ADAMTSL1: variants seen among roughly 807,000 people sequenced by gnomAD.
ADAMTSL1 encodes the protein ADAMTS like 1.
A neutral mutation model predicts 201.8 loss-of-function variants in ADAMTSL1; 126 were observed. That is an observed-to-expected ratio of 0.62 (90% confidence interval 0.54 to 0.72). ADAMTSL1 has a LOEUF of 0.72. Among genes scored for constraint, ADAMTSL1 ranks in the 30% least tolerant of loss-of-function variants. The probability of loss-of-function intolerance (pLI) is 0.00; values close to 1 mark genes in which losing one functional copy is unlikely to be tolerated. For missense variants in ADAMTSL1, 2,679 were observed against 2,277.8 expected (o/e 1.18, Z -3.59); for synonymous variants, 1,121 against 903.4 (o/e 1.24, Z -4.32).
intron 4 of ADAMTSL1, among the ~76,000 whole-genome samples, chr9:18,606,716 G>A (rs535015343): frequency 6.6e-6 from 1 of 152,210 alleles, no homozygotes; most frequent in South Asian, 2.1e-4. Context: ...TAAAACACCT[G>A]ACAGGACTTG....
chr9:18,267,872 T>C (rs1832195992), intron 2 of ADAMTSL1, among the ~76,000 whole-genome samples: 1 of 152,030 alleles, frequency 6.6e-6, no homozygotes, highest in African/African-American at 2.4e-5. Flanking sequence ...CATTCTTCTT[T>C]GAATGAAAGA....
chr9:18,275,047 G>A (rs1186458238), intron 2 of ADAMTSL1, among the ~76,000 whole-genome samples: 3 of 152,134 alleles, frequency 2.0e-5, no homozygotes, highest in African/African-American at 4.8e-5. Context: ...AAGTAAGAGA[G>A]CCAACCCAAT....
At chr9:18,376,796 A>G (rs1239909693) in intron 2 of ADAMTSL1, among the ~76,000 whole-genome samples, 12 of 152,188 alleles carry the variant, frequency 7.9e-5, no homozygotes, top group Admixed American at 7.9e-4. Context: ...ACAGAAAGAG[A>G]CACTGTCTCA....
chr9:18,019,590 C>T (rs1054126969), intron 1 of ADAMTSL1, among the ~76,000 whole-genome samples: 2 of 152,024 alleles, frequency 1.3e-5, no homozygotes, highest in African/African-American at 4.8e-5. Context: ...GCCATCTCAG[C>T]AGGAGCCCAA....
At chr9:18,577,290 T>G (rs1038488458) in intron 4 of ADAMTSL1, among the ~76,000 whole-genome samples, 3 of 152,056 alleles carry the variant, frequency 2.0e-5, no homozygotes, top group African/African-American at 7.2e-5. Flanking sequence ...GTTTGAGACC[T>G]GCCTGGCCAA....
chr9:18,754,820 T>A (rs1819656234), intron 16 of ADAMTSL1, among the ~76,000 whole-genome samples: 1 of 152,234 alleles, frequency 6.6e-6, no homozygotes. Context: ...TGTATATGGC[T>A]AAGTTCATTA....
intron 2 of ADAMTSL1, among the ~76,000 whole-genome samples, chr9:18,389,377 A>G (rs1345715401): frequency 6.6e-6 from 1 of 152,144 alleles, no homozygotes; most frequent in Non-Finnish European, 1.5e-5. Flanking sequence ...CAATCAAAAA[A>G]TTTGCACTGA....
intron 2 of ADAMTSL1, among the ~76,000 whole-genome samples, chr9:18,525,925 T>A (rs1231661780): frequency 6.6e-6 from 1 of 152,184 alleles, no homozygotes; most frequent in Non-Finnish European, 1.5e-5. Context: ...ATTCTGTTGA[T>A]TTGGGGTGGA....
At chr9:18,615,306 C>T (rs1825627676) in intron 4 of ADAMTSL1, among the ~76,000 whole-genome samples, 1 of 152,154 alleles carries the variant, frequency 6.6e-6, no homozygotes, top group Non-Finnish European at 1.5e-5. Flanking sequence ...GGTATGTATG[C>T]CTGCCTGTGT....
At chr9:18,530,809 A>G (rs1306787086) in intron 2 of ADAMTSL1, among the ~76,000 whole-genome samples, 1 of 152,220 alleles carries the variant, frequency 6.6e-6, no homozygotes, top group Non-Finnish European at 1.5e-5. Flanking sequence ...TTTACCAAAG[A>G]TAAAACTGAG....
At chr9:18,392,878 A>G (rs973900075) in intron 2 of ADAMTSL1, among the ~76,000 whole-genome samples, 3 of 152,166 alleles carry the variant, frequency 2.0e-5, no homozygotes, top group African/African-American at 2.4e-5. Context: ...GGTAGAAATC[A>G]GGTCTTTGCT....
intron 26 of ADAMTSL1, among the ~76,000 whole-genome samples, chr9:18,895,406 A>AT (rs1029590343): frequency 2.0e-5 from 3 of 149,768 alleles, no homozygotes; most frequent in Non-Finnish European, 4.4e-5. Context: ...ATTTCCTGGT[A>AT]TTTTCGTTCA....
At chr9:18,114,811 A>G (rs1825180455) in intron 1 of ADAMTSL1, among the ~76,000 whole-genome samples, 1 of 152,190 alleles carries the variant, frequency 6.6e-6, no homozygotes, top group Non-Finnish European at 1.5e-5. Context: ...ACGTCTAAAG[A>G]CAGTGGTGAA....
intron 23 of ADAMTSL1, among the ~76,000 whole-genome samples, chr9:18,886,058 G>A (rs375235377): frequency 3.2e-4 from 48 of 151,304 alleles, no homozygotes; most frequent in Non-Finnish European, 5.3e-4. Flanking sequence ...AGGCTGAGGC[G>A]AGCAGATCAC....
chr9:18,158,266 T>C (rs1827239906), intron 1 of ADAMTSL1, among the ~76,000 whole-genome samples: 1 of 152,006 alleles, frequency 6.6e-6, no homozygotes, highest in Non-Finnish European at 1.5e-5. Context: ...TTGGTACATA[T>C]TCTTATAAAC....
intron 1 of ADAMTSL1, among the ~76,000 whole-genome samples, chr9:18,128,116 G>T (rs935262915): frequency 1.3e-5 from 2 of 152,184 alleles, no homozygotes; most frequent in African/African-American, 4.8e-5. Flanking sequence ...TACTGAGTCA[G>T]AATTTTAGTT....
At chr9:18,115,486 A>C (rs1208159060) in intron 1 of ADAMTSL1, among the ~76,000 whole-genome samples, 1 of 152,196 alleles carries the variant, frequency 6.6e-6, no homozygotes, top group Admixed American at 6.5e-5. Context: ...AGCTATTAAA[A>C]ATTTGAGAAA....
intron 1 of ADAMTSL1, among the ~76,000 whole-genome samples, chr9:18,004,024 A>T (rs1819717216): frequency 6.6e-6 from 1 of 152,078 alleles, no homozygotes; most frequent in Non-Finnish European, 1.5e-5. Flanking sequence ...GGGCACCTAA[A>T]AAGAAAATAT....
intron 26 of ADAMTSL1, among the ~76,000 whole-genome samples, chr9:18,897,310 A>C (rs543876665): frequency 6.6e-6 from 1 of 152,320 alleles, no homozygotes; most frequent in East Asian, 1.9e-4. Context: ...GAGTCCAGGC[A>C]GTCTGGACAA....
Sources: allele counts gnomAD v4.1 joint callset (sites outside exome capture counted in the v4.1 genomes callset), GRCh38; gene constraint gnomAD v4.1.1; transcripts MANE v1.5; gene names NCBI Gene and HGNC (gene_info 2026-07-23, HGNC 2026-07-21).